The following ATP7A variants were observed in gnomAD, a reference collection of about 807,000 sequenced individuals.
ATP7A encodes the protein ATPase copper transporting alpha.
In ATP7A, 7 loss-of-function variants were observed where a neutral mutation model predicts 83.5. The ratio of observed to expected loss-of-function variants is 0.08; its 90% confidence interval spans 0.05 to 0.16. The LOEUF is 0.16. ATP7A is among the 10% of genes least tolerant of loss of function. ATP7A has a pLI of 1.00. For synonymous variants in ATP7A, 354 were observed against 395.2 expected (o/e 0.90, Z 1.24); for missense variants, 940 against 1,120.8 (o/e 0.84, Z 2.30).
At chrX:78,028,941 T>A (rs2077964748) in intron 14 of ATP7A, among the ~76,000 whole-genome samples, 1 of 112,378 alleles carries the variant, frequency 8.9e-6, no homozygotes, top group Non-Finnish European at 1.9e-5. Context: ...CAGTATCAAA[T>A]TTTTTGAAAA....
At chrX:77,942,636 G>A (rs1406124041) in intron 1 of ATP7A, among the ~76,000 whole-genome samples, 2 of 110,055 alleles carry the variant, frequency 1.8e-5, no homozygotes, top group Non-Finnish European at 3.8e-5. Context: ...TTGTAGAGAC[G>A]AGGGTCTCAT....
At position 78,020,277 on chromosome X, in the gene ATP7A, G is replaced by T. The variant is rs2077896053; in HGVS notation, c.2660G>T (p.Ser887Ile). 8.3e-7 allele frequency: 1 copy of T among 1,211,788 alleles called. No homozygotes were observed. Among genetic ancestry groups the T allele is most frequent in the Non-Finnish European group, 1.1e-6 (1 of 895,361 alleles). ...EAMPVAKKPG[S>I]TVIAGSINQN... ...ATGCCTGTGGCTAAGAAACCTGGCA[G>T]CACAGTGATTGCTGGTTCCATTAAC... The change falls in exon 13 of 23, where the codon AGC becomes ATC. Residue 887 changes from serine to isoleucine, a missense_variant. By Grantham distance (142) the Ser-to-Ile change is moderately radical (BLOSUM62 -2). Coordinates refer to ENST00000341514, the MANE Select transcript of ATP7A (RefSeq NM_000052.7).
intron 1 of ATP7A, among the ~76,000 whole-genome samples, chrX:77,947,442 AT>A (rs35717952): frequency 3.8e-4 from 39 of 101,671 alleles, no homozygotes; most frequent in Admixed American, 6.4e-4. Flanking sequence ...ATTTTACCAC[AT>A]TTTTTTTTTT....
At chrX:78,016,424 T>G (rs1162098262) in intron 12 of ATP7A, among the ~76,000 whole-genome samples, 3 of 110,523 alleles carry the variant, frequency 2.7e-5, no homozygotes, top group African/African-American at 9.9e-5. Flanking sequence ...CCTTGACCCC[T>G]CCCAAATGTC....
chrX:77,986,518 C>T (rs1557231389), intron 2 of ATP7A, among the ~76,000 whole-genome samples: 1 of 111,041 alleles, frequency 9.0e-6, no homozygotes, highest in Non-Finnish European at 1.9e-5. Context: ...TATCATCTCT[C>T]CTTTCCCTCC....
Position 78,001,026 on chromosome X carries a change from T to A in ATP7A, c.1544-2047T>A, listed in dbSNP as rs191470150. ...CTTATTATAGTTTGAAGAGTTTTTT[T>A]AAATTATCTGCAATTTACATAAGTA... On this transcript the variant is annotated intron_variant, in intron 5 of 22. Coordinates refer to ENST00000341514, the MANE Select transcript of ATP7A (RefSeq NM_000052.7). Among the ~76,000 whole-genome samples, 122 of 112,419 alleles carry A rather than the reference T, an allele frequency of 1.1e-3. 1 individual carries two copies. Among genetic ancestry groups the A allele is most frequent in the African/African-American group, 3.7e-3 (116 of 31,063 alleles).
chrX:78,021,124 T>A, intron 14 of ATP7A, 45 bp downstream of exon 14: 1 of 1,142,891 alleles, frequency 8.7e-7, no homozygotes, highest in Non-Finnish European at 1.2e-6. Flanking sequence ...GAACAATTTG[T>A]GAGTCTTTTG....
chrX:78,004,376 A>G (rs377476029), intron 6 of ATP7A, among the ~76,000 whole-genome samples: 28 of 112,591 alleles, frequency 2.5e-4, no homozygotes, highest in African/African-American at 8.4e-4. Context: ...TACAGCTAGA[A>G]TGTATTTAAA....
intron 1 of ATP7A, among the ~76,000 whole-genome samples, chrX:77,935,990 C>T (rs1219857888): frequency 8.9e-6 from 1 of 112,542 alleles, no homozygotes; most frequent in Non-Finnish European, 1.9e-5. Context: ...GGAGCAGTGG[C>T]CCAGAGTGAG....
At chrX:77,983,293 T>G (rs1019267380) in intron 2 of ATP7A, among the ~76,000 whole-genome samples, 3 of 112,249 alleles carry the variant, frequency 2.7e-5, no homozygotes, top group Non-Finnish European at 5.6e-5. Flanking sequence ...ACTGAAAAGA[T>G]TATTTTATCT....
At chrX:77,931,581 T>C (rs2077275712) in intron 1 of ATP7A, among the ~76,000 whole-genome samples, 1 of 109,251 alleles carries the variant, frequency 9.2e-6, no homozygotes, top group African/African-American at 3.3e-5. Flanking sequence ...CACATCCCAG[T>C]AGGGGCGGCC....
At chrX:77,983,230 A>G (rs2077614222) in intron 2 of ATP7A, among the ~76,000 whole-genome samples, 1 of 112,327 alleles carries the variant, frequency 8.9e-6, no homozygotes, top group African/African-American at 3.2e-5. Context: ...TGTACTGATG[A>G]CAACCTAAGA....
At chrX:77,911,936 C>T (rs2077163027) in intron 1 of ATP7A, among the ~76,000 whole-genome samples, 1 of 112,002 alleles carries the variant, frequency 8.9e-6, no homozygotes, top group Non-Finnish European at 1.9e-5. Flanking sequence ...AAGAGCGAAA[C>T]TGTCTCCAAA....
At position 77,971,625 on chromosome X, in the gene ATP7A, G is replaced by T; in HGVS notation, c.-17G>T. ...TGAATTTATTGTTTCTAACAGGAAT[G>T]TAATGAGGAAATCAAAATGGATCCA... On this transcript the variant is annotated 5_prime_UTR_variant, in exon 2 of 23. It removes an upstream start codon present in the reference 5' UTR. Transcript: ENST00000341514. The T allele has an allele frequency of 8.3e-7, 1 of 1,209,353 alleles. No homozygotes were observed. The highest frequency in any genetic ancestry group is 1.1e-6 in the Non-Finnish European group (1 of 893,255).
At chrX:78,019,781 A>G (rs546626491) in intron 12 of ATP7A, among the ~76,000 whole-genome samples, 4 of 110,363 alleles carry the variant, frequency 3.6e-5, no homozygotes, top group African/African-American at 9.9e-5. Flanking sequence ...GTGTTTCTCA[A>G]TAGGGGTGCT....
intron 8 of ATP7A, 97 bp from the exon 9 acceptor site, chrX:78,011,352 A>G: frequency 9.5e-7 from 1 of 1,047,637 alleles, no homozygotes; most frequent in Non-Finnish European, 1.3e-6. Flanking sequence ...ATACTGGATG[A>G]AATGGTCACA....
chrX:78,017,338 A>AT (rs2077872126), intron 12 of ATP7A, among the ~76,000 whole-genome samples: 2 of 111,440 alleles, frequency 1.8e-5, no homozygotes, highest in Non-Finnish European at 3.8e-5. Flanking sequence ...CCACAAAATC[A>AT]TTTTTTCTCC....
intron 7 of ATP7A, among the ~76,000 whole-genome samples, chrX:78,010,964 T>C (rs1809859603): frequency 9.0e-6 from 1 of 111,160 alleles, no homozygotes; most frequent in African/African-American, 3.3e-5. Flanking sequence ...AGGATACATA[T>C]TAACTAGCAT....
intron 13 of ATP7A, 43 bp from the exon 14 acceptor site, chrX:78,020,902 A>G (rs781899052): frequency 1.3e-5 from 15 of 1,166,600 alleles, no homozygotes; most frequent in African/African-American, 1.8e-5. Context: ...AAAGACTTTG[A>G]TATGCTTCTT....
Sources: gnomAD v4.1 joint callset for allele counts (sites outside exome capture counted in the v4.1 genomes callset) on GRCh38, gnomAD v4.1.1 for gene constraint, MANE v1.5 for transcripts, NCBI Gene and HGNC (gene_info 2026-07-23, HGNC 2026-07-21) for gene names.